COL22A1: variants seen among roughly 807,000 people sequenced by gnomAD.
COL22A1 encodes collagen alpha-1(XXII) chain.
In COL22A1, 221 loss-of-function variants were observed where a neutral mutation model predicts 248.9. That is an observed-to-expected ratio of 0.89 (90% confidence interval 0.80 to 0.99). COL22A1 has a LOEUF of 0.99. Ranked by LOEUF, COL22A1 falls within the 50% of genes least tolerant of loss-of-function variation. The probability of loss-of-function intolerance (pLI) is 0.00; values close to 1 mark genes in which losing one functional copy is unlikely to be tolerated. For missense variants in COL22A1, 2,240 were observed against 2,179.0 expected, an observed-to-expected ratio of 1.03 and a Z score of -0.56; for synonymous variants, 891 against 793.4, an observed-to-expected ratio of 1.12 and a Z score of -2.07.
chr8:138,722,048 C>T lies in COL22A1; in HGVS notation c.2289G>A (p.Pro763=), dbSNP rs374425269. Residue 763 remains proline (P), a synonymous_variant, in exon 26 of 65, where the codon CCG becomes CCA. Coordinates refer to ENST00000303045, the MANE Select transcript of COL22A1 (RefSeq NM_152888.3). ...ATCAGTGACCAACCTTGGTTCCTGGCGGACCTGGTGGTCCATTTGGCCCGT... is the reference window on the plus strand; with the variant it reads ...ATCAGTGACCAACCTTGGTTCCTGGTGGACCTGGTGGTCCATTTGGCCCGT... ...GKDGPNGPPG[P]PGTKGEPGER... 86 of 1,578,234 alleles carry T rather than the reference C, an allele frequency of 5.4e-5. No individual in the cohort carries two copies. Among genetic ancestry groups the T allele is most frequent in the East Asian group, 4.6e-4 (20 of 43,788 alleles).
At chr8:138,705,380 G>A (rs769770077) in intron 30 of COL22A1, among the ~76,000 whole-genome samples, 2 of 152,182 alleles carry the variant, frequency 1.3e-5, no homozygotes, top group Non-Finnish European at 2.9e-5. Flanking sequence ...GGCAGCCAGA[G>A]GGAAAGGTCG....
intron 18 of COL22A1, among the ~76,000 whole-genome samples, chr8:138,756,398 C>T (rs1053359150): frequency 3.3e-5 from 5 of 152,128 alleles, no homozygotes; most frequent in African/African-American, 1.2e-4. Context: ...TGGGCTATGA[C>T]GGCTGTGGCC....
chr8:138,849,412 A>C (rs2131893680), intron 3 of COL22A1, among the ~76,000 whole-genome samples: 1 of 152,366 alleles, frequency 6.6e-6, no homozygotes, highest in South Asian at 2.1e-4. Context: ...ATTTAGAGAA[A>C]GAAAGAAAGG....
intron 1 of COL22A1, among the ~76,000 whole-genome samples, chr8:138,913,403 C>A (rs890120817): frequency 3.4e-4 from 51 of 152,228 alleles, no homozygotes; most frequent in African/African-American, 1.2e-3. Context: ...GAAGTTAAGT[C>A]AAGACACAGA....
At chr8:138,906,062 T>C (rs1026368886) in intron 1 of COL22A1, among the ~76,000 whole-genome samples, 22 of 152,226 alleles carry the variant, frequency 1.4e-4, no homozygotes, top group African/African-American at 4.8e-4. Flanking sequence ...CTTAGCACTC[T>C]ACAAGTAATA....
At chr8:138,611,365 A>G (rs1431510825) in intron 56 of COL22A1, among the ~76,000 whole-genome samples, 3 of 152,208 alleles carry the variant, frequency 2.0e-5, no homozygotes, top group African/African-American at 7.2e-5. Context: ...CACCTAGTTC[A>G]TGTGATGAAT....
intron 14 of COL22A1, among the ~76,000 whole-genome samples, chr8:138,779,213 T>A (rs1352684510): frequency 6.6e-6 from 1 of 152,228 alleles, no homozygotes; most frequent in Non-Finnish European, 1.5e-5. Flanking sequence ...ATTGGGTACA[T>A]CCAATACATC....
At chr8:138,663,879 G>A in intron 41 of COL22A1, 139 bp from the exon 42 acceptor site, 1 of 671,714 alleles carries the variant, frequency 1.5e-6, no homozygotes, top group South Asian at 1.7e-5. Flanking sequence ...AAGCCACACT[G>A]CCATACCCTC....
At chr8:138,679,485 C>T in intron 40 of COL22A1, 132 bp downstream of exon 40, 1 of 757,528 alleles carries the variant, frequency 1.3e-6, no homozygotes, top group Non-Finnish European at 2.3e-6. Context: ...GATCTTCTTC[C>T]ATCCATGTTC....
At chr8:138,756,677 G>A (rs1833030311) in intron 18 of COL22A1, among the ~76,000 whole-genome samples, 1 of 152,110 alleles carries the variant, frequency 6.6e-6, no homozygotes, top group African/African-American at 2.4e-5. Context: ...TAAAGCTGAA[G>A]GCATCTATTA....
At chr8:138,835,092 G>GGT (rs955316714) in intron 4 of COL22A1, among the ~76,000 whole-genome samples, 2 of 152,188 alleles carry the variant, frequency 1.3e-5, no homozygotes, top group African/African-American at 4.8e-5. Flanking sequence ...GGCCTGCGAT[G>GGT]GTCTGGGAAG....
At chr8:138,677,366 T>C (rs1431830851) in intron 40 of COL22A1, among the ~76,000 whole-genome samples, 1 of 152,236 alleles carries the variant, frequency 6.6e-6, no homozygotes, top group East Asian at 1.9e-4. Flanking sequence ...AGCACAGCAC[T>C]GAACCTGAGC....
At chr8:138,860,568 G>T (rs1171273550) in intron 3 of COL22A1, among the ~76,000 whole-genome samples, 5 of 152,204 alleles carry the variant, frequency 3.3e-5, no homozygotes, top group African/African-American at 1.2e-4. Flanking sequence ...AGCACTTTGG[G>T]AGGCCAAGGC....
intron 6 of COL22A1, among the ~76,000 whole-genome samples, chr8:138,825,546 G>C (rs1340917024): frequency 6.6e-6 from 1 of 152,202 alleles, no homozygotes; most frequent in Non-Finnish European, 1.5e-5. Flanking sequence ...AAATGAATTA[G>C]TATTTGTAAA....
At chr8:138,607,691 G>A (rs1030758351) in intron 57 of COL22A1, among the ~76,000 whole-genome samples, 3 of 152,100 alleles carry the variant, frequency 2.0e-5, no homozygotes, top group Non-Finnish European at 2.9e-5. Context: ...TGTTTTGGGT[G>A]CCTATGGATG....
chr8:138,814,826 G>A (rs1196082848), intron 7 of COL22A1, among the ~76,000 whole-genome samples: 1 of 152,126 alleles, frequency 6.6e-6, no homozygotes, highest in East Asian at 1.9e-4. Flanking sequence ...ACAGCCACAG[G>A]TGTAACTGAT....
intron 23 of COL22A1, among the ~76,000 whole-genome samples, chr8:138,726,611 T>A (rs1454324531): frequency 1.3e-5 from 2 of 151,804 alleles, no homozygotes; most frequent in Non-Finnish European, 2.9e-5. Flanking sequence ...CTGGGAGTGA[T>A]GCTGCACTCA....
At chr8:138,669,482 G>T (rs915958687) in intron 41 of COL22A1, among the ~76,000 whole-genome samples, 3 of 152,316 alleles carry the variant, frequency 2.0e-5, no homozygotes, top group African/African-American at 7.2e-5. Context: ...CTCCCACCAT[G>T]CCACGAAGGA....
chr8:138,878,066 G>A lies in COL22A1; in HGVS notation c.342C>T (p.Asn114=), dbSNP rs776348390. 14 of 1,597,934 alleles carry A rather than the reference G, an allele frequency of 8.8e-6. No individual in the cohort carries two copies. The East Asian group carries it at 2.9e-4, about 34-fold the overall frequency. Reference sequence around the variant, plus strand: ...AGCGGAGCGCGTCTCCCGTGTTGGTGTTGCCCCCGTGGTAGGCGAGACGCC... The same window carrying A: ...AGCGGAGCGCGTCTCCCGTGTTGGTATTGCCCCCGTGGTAGGCGAGACGCC... ...AARRLAYHGG[N]TNTGDALRYI... is the part of the protein sequence containing the mutation. The change falls in exon 3 of 65, where the codon AAC becomes AAT. Residue 114 remains asparagine (N), a synonymous_variant. Coordinates refer to ENST00000303045, the MANE Select transcript of COL22A1 (RefSeq NM_152888.3).
Sources: allele counts gnomAD v4.1 joint callset (sites outside exome capture counted in the v4.1 genomes callset), GRCh38; gene constraint gnomAD v4.1.1; transcripts MANE v1.5; gene names NCBI Gene and HGNC (gene_info 2026-07-23, HGNC 2026-07-21).